Variants in GIPC2 observed in about 807,000 individuals in gnomAD.
GIPC2 encodes PDZ domain-containing protein GIPC2.
In GIPC2, 30 loss-of-function variants were observed where a neutral mutation model predicts 30.6. The ratio of observed to expected loss-of-function variants is 0.98; its 90% CI spans 0.73 to 1.33. GIPC2 has a LOEUF of 1.33. Among genes scored for constraint, GIPC2 ranks in the 40% most tolerant of loss-of-function variants. The probability of loss-of-function intolerance (pLI) is 0.00; values close to 1 mark genes in which losing one functional copy is unlikely to be tolerated. For missense variants in GIPC2, 414 were observed against 390.3 expected, an observed-to-expected ratio of 1.06 and a Z score of -0.51; for synonymous variants, 167 against 150.0, an observed-to-expected ratio of 1.11 and a Z score of -0.83.
intron 1 of GIPC2, among the ~76,000 whole-genome samples, chr1:78,058,947 A>T (rs1661345084): frequency 6.6e-6 from 1 of 152,152 alleles, no homozygotes. Context: ...GCACCAAAGA[A>T]CTCTGCCAAA....
At chr1:78,097,462 CTT>C (rs1412164314) in intron 3 of GIPC2, among the ~76,000 whole-genome samples, 2 of 152,150 alleles carry the variant, frequency 1.3e-5, no homozygotes, top group African/African-American at 2.4e-5. Context: ...TCCCTAAAGA[CTT>C]AGCCTGGAGA....
intron 2 of GIPC2, chr1:78,091,726 A>C: frequency 1.3e-6 from 1 of 775,084 alleles, no homozygotes; most frequent in Non-Finnish European, 2.4e-6. Flanking sequence ...TAGCCTTTGC[A>C]TACAAGAATG....
chr1:78,048,402 T>G (rs1261298098), intron 1 of GIPC2, among the ~76,000 whole-genome samples: 2 of 151,954 alleles, frequency 1.3e-5, no homozygotes, highest in Admixed American at 1.3e-4. Context: ...TTCAGTGTAT[T>G]CTTTTTTTTT....
chr1:78,067,403 A>T (rs1661538543), intron 1 of GIPC2, among the ~76,000 whole-genome samples: 1 of 152,110 alleles, frequency 6.6e-6, no homozygotes, highest in Non-Finnish European at 1.5e-5. Flanking sequence ...GTTTTCCTCA[A>T]AAAAGATGCT....
At chr1:78,060,147 G>A (rs186642518) in intron 1 of GIPC2, among the ~76,000 whole-genome samples, 353 of 151,698 alleles carry the variant, frequency 2.3e-3, no homozygotes, top group Non-Finnish European at 3.8e-3. Context: ...TAATCAATTC[G>A]TAAGATCTAT....
intron 1 of GIPC2, among the ~76,000 whole-genome samples, chr1:78,055,062 T>A (rs547665805): frequency 1.3e-5 from 2 of 152,306 alleles, no homozygotes; most frequent in East Asian, 3.9e-4. Context: ...AAAACTGAGT[T>A]GCTTCTAAAC....
At chr1:78,047,915 T>A (rs1208109350) in intron 1 of GIPC2, among the ~76,000 whole-genome samples, 1 of 152,242 alleles carries the variant, frequency 6.6e-6, no homozygotes, top group Non-Finnish European at 1.5e-5. Context: ...GATCTTCTGA[T>A]TCCTAAGCTA....
intron 1 of GIPC2, among the ~76,000 whole-genome samples, chr1:78,054,021 C>T (rs1469931306): frequency 2.0e-5 from 3 of 152,178 alleles, no homozygotes; most frequent in Non-Finnish European, 4.4e-5. Flanking sequence ...CTTGAGTCCT[C>T]TCCTATGCCC....
Position 78,054,170 on chromosome 1 carries a change from G to A in GIPC2, c.240+7836G>A, listed in dbSNP as rs565635344. Among the ~76,000 whole-genome samples the A allele has an allele frequency of 3.3e-5, 5 of 152,200 alleles. No homozygotes were observed. The East Asian group carries it at 9.6e-4, about 29-fold the overall frequency. The stretch of plus-strand genomic sequence containing the variant: ...TTTCTAGTCCTGTAATTTCCTCCAA[G>A]AAGCCTACCCTGTGAATCCAGAAAT... On this transcript the variant is annotated intron_variant, in intron 1 of 5. Transcript: ENST00000370759.
intron 3 of GIPC2, among the ~76,000 whole-genome samples, chr1:78,100,115 G>C (rs1367312193): frequency 3.3e-5 from 5 of 152,172 alleles, no homozygotes; most frequent in Admixed American, 6.5e-5. Flanking sequence ...GATCATAAAT[G>C]TTCTATTAAC....
Position 78,138,270 on chromosome 1 carries a change from T to G in GIPC2, c.*2527T>G, listed in dbSNP as rs983503910. 2 of 152,250 alleles carry G rather than the reference T, an allele frequency of 1.3e-5. No homozygotes were observed. Among genetic ancestry groups the G allele is most frequent in the African/African-American group, 4.8e-5 (2 of 41,480 alleles). The allele number at this position is 152,250 out of a possible 1,614,324, so 9.4% of individuals were successfully genotyped here. ...CAAAAATACAATTATATAATTATGATGTAAACTCTTTAAGAATTCAATTAT... is the reference window on the plus strand; with the variant it reads ...CAAAAATACAATTATATAATTATGAGGTAAACTCTTTAAGAATTCAATTAT... On this transcript the variant is annotated 3_prime_UTR_variant, in exon 6 of 6. Coordinates refer to ENST00000370759, the MANE Select transcript of GIPC2 (RefSeq NM_017655.6).
At chr1:78,091,475 C>T in intron 2 of GIPC2, 2 of 651,098 alleles carry the variant, frequency 3.1e-6, no homozygotes, top group Non-Finnish European at 5.7e-6. Flanking sequence ...TCTACCTTCC[C>T]TGTTTTCACC....
chr1:78,127,304 C>T (rs1400960460), intron 5 of GIPC2, among the ~76,000 whole-genome samples: 2 of 152,188 alleles, frequency 1.3e-5, no homozygotes, highest in Non-Finnish European at 2.9e-5. Context: ...TCAGGCAACA[C>T]CTCAAAATGA....
At chr1:78,051,612 G>A (rs548319399) in intron 1 of GIPC2, among the ~76,000 whole-genome samples, 80 of 152,130 alleles carry the variant, frequency 5.3e-4, no homozygotes, top group African/African-American at 1.6e-3. Context: ...TGATTCTCCT[G>A]CCTCAGCCTC....
chr1:78,065,434 A>T (rs987536255), intron 1 of GIPC2, among the ~76,000 whole-genome samples: 2 of 152,196 alleles, frequency 1.3e-5, no homozygotes, highest in Non-Finnish European at 2.9e-5. Context: ...AAATGGAAAT[A>T]GGAAGAATCA....
At chr1:78,110,025 G>A (rs892997968) in intron 3 of GIPC2, among the ~76,000 whole-genome samples, 4 of 151,994 alleles carry the variant, frequency 2.6e-5, no homozygotes, top group African/African-American at 4.8e-5. Flanking sequence ...CTTCACACAC[G>A]GGGGCCTGTT....
intron 2 of GIPC2, among the ~76,000 whole-genome samples, chr1:78,087,573 G>A (rs1396401547): frequency 6.6e-6 from 1 of 152,140 alleles, no homozygotes; most frequent in Non-Finnish European, 1.5e-5. Context: ...ATATGCAGAA[G>A]ACTGAAGCTG....
In GIPC2 at chr1:78,125,950, G is replaced by T; in HGVS notation, c.784G>T (p.Asp262Tyr). ...DVLELYMGIR[D>Y]IDLATTMFEA... ...TCTTGAGTTGTACATGGGAATTCGAGATATTGATTTAGGTAAGATTATACT... is the reference window on the plus strand; with the variant it reads ...TCTTGAGTTGTACATGGGAATTCGATATATTGATTTAGGTAAGATTATACT... The change falls in exon 5 of 6, where the codon GAT becomes TAT. Residue 262 changes from aspartate (D) to tyrosine (Y), a missense_variant. Asp to Tyr is a radical substitution (Grantham distance 160). Transcript: ENST00000370759. The T allele has an allele frequency of 6.6e-6, 10 of 1,510,734 alleles. No homozygotes were observed. Among genetic ancestry groups the T allele is most frequent in the Non-Finnish European group, 9.2e-6 (10 of 1,086,190 alleles). 93.6% of individuals were successfully genotyped at this position (1,510,734 alleles called of 1,614,324 possible).
intron 1 of GIPC2, among the ~76,000 whole-genome samples, chr1:78,067,512 C>T (rs916452886): frequency 4.0e-5 from 6 of 151,508 alleles, no homozygotes; most frequent in African/African-American, 7.3e-5. Context: ...AGTGTAGTGT[C>T]GTGGTCTCAG....
Sources: gnomAD v4.1 joint callset for allele counts (sites outside exome capture counted in the v4.1 genomes callset) on GRCh38, gnomAD v4.1.1 for gene constraint, MANE v1.5 for transcripts, NCBI Gene and HGNC (gene_info 2026-07-23, HGNC 2026-07-21) for gene names.